The following CCBE1 variants were observed in gnomAD, a reference collection of about 807,000 sequenced individuals.
CCBE1 encodes the protein collagen and calcium-binding EGF domain-containing protein 1.
CCBE1 carries 37 observed loss-of-function variants against 50.0 expected under a neutral mutation model. The observed-to-expected ratio is 0.74, with a 90% CI of 0.57 to 0.97. CCBE1 has a LOEUF of 0.97. Among genes scored for constraint, CCBE1 ranks in the 50% least tolerant of loss-of-function variants. CCBE1 has a pLI of 0.00. For missense variants in CCBE1, 538 were observed against 523.8 expected, an observed-to-expected ratio of 1.03 and a Z score of -0.26; for synonymous variants, 234 against 203.7, an observed-to-expected ratio of 1.15 and a Z score of -1.27.
At chr18:59,521,871 G>A (rs917974490) in intron 2 of CCBE1, among the ~76,000 whole-genome samples, 1 of 152,116 alleles carries the variant, frequency 6.6e-6, no homozygotes, top group Non-Finnish European at 1.5e-5. Context: ...CTATACTTTG[G>A]TTGGGTAAGT....
At chr18:59,557,886 A>G (rs1408860023) in intron 2 of CCBE1, among the ~76,000 whole-genome samples, 1 of 152,168 alleles carries the variant, frequency 6.6e-6, no homozygotes, top group Non-Finnish European at 1.5e-5. Flanking sequence ...CTTAGTCAAG[A>G]CCCTCCGCTG....
intron 2 of CCBE1, among the ~76,000 whole-genome samples, chr18:59,583,703 GTGTGTGTATGTC>G (rs2053129386): frequency 6.7e-6 from 1 of 149,064 alleles, no homozygotes; most frequent in Non-Finnish European, 1.5e-5. Context: ...GCGCGCGCGT[GTGTGTGTATGTC>G]TGCGACTACT....
chr18:59,589,826 AT>A (rs1466018608), intron 2 of CCBE1, among the ~76,000 whole-genome samples: 21 of 141,480 alleles, frequency 1.5e-4, no homozygotes, highest in African/African-American at 4.3e-4. Flanking sequence ...GAAAAAAAAA[AT>A]GTTACACACC....
At chr18:59,451,844 C>A (rs2143662586) in intron 6 of CCBE1, among the ~76,000 whole-genome samples, 1 of 152,180 alleles carries the variant, frequency 6.6e-6, no homozygotes, top group East Asian at 1.9e-4. Context: ...TAAAGAACTC[C>A]CAAATCAATC....
chr18:59,671,589 A>G (rs17066131), intron 2 of CCBE1, among the ~76,000 whole-genome samples: 2,264 of 152,112 alleles, frequency 0.015, 46 homozygotes, highest in African/African-American at 0.052. Flanking sequence ...AAGAAAAGTG[A>G]TAGGACATAG....
At chr18:59,622,381 G>C (rs996413665) in intron 2 of CCBE1, among the ~76,000 whole-genome samples, 2 of 151,772 alleles carry the variant, frequency 1.3e-5, no homozygotes, top group Middle Eastern at 3.4e-3. Flanking sequence ...CTGTAATCTC[G>C]GGATTACAGC....
At chr18:59,596,584 A>G (rs9963372) in intron 2 of CCBE1, among the ~76,000 whole-genome samples, 2,742 of 152,312 alleles carry the variant, frequency 0.018, 65 homozygotes, top group African/African-American at 0.062. Flanking sequence ...TAACTACAGA[A>G]GCCAAATTCC....
At chr18:59,548,674 A>T (rs1261298490) in intron 2 of CCBE1, among the ~76,000 whole-genome samples, 2 of 152,190 alleles carry the variant, frequency 1.3e-5, no homozygotes, top group South Asian at 4.1e-4. Flanking sequence ...ACTTTGGGCC[A>T]GGCACAGTGG....
intron 2 of CCBE1, among the ~76,000 whole-genome samples, chr18:59,493,275 T>C (rs185060741): frequency 6.6e-6 from 1 of 152,176 alleles, no homozygotes; most frequent in Non-Finnish European, 1.5e-5. Flanking sequence ...TCAAGGACAA[T>C]GAAATACAAT....
chr18:59,527,941 T>C (rs934129603), intron 2 of CCBE1, among the ~76,000 whole-genome samples: 1 of 152,180 alleles, frequency 6.6e-6, no homozygotes, highest in African/African-American at 2.4e-5. Flanking sequence ...TTGGAGAATC[T>C]GTGATTGTGT....
At chr18:59,448,470 C>T (rs1466779590) in intron 6 of CCBE1, among the ~76,000 whole-genome samples, 2 of 152,074 alleles carry the variant, frequency 1.3e-5, no homozygotes, top group African/African-American at 2.4e-5. Context: ...ATGTGCAGGT[C>T]CTGGCTTGGT....
chr18:59,660,232 C>T (rs968128772), intron 2 of CCBE1, among the ~76,000 whole-genome samples: 4 of 152,142 alleles, frequency 2.6e-5, no homozygotes, highest in Middle Eastern at 3.2e-3. Context: ...AGCTACAGCC[C>T]TATCTGGAAA....
chr18:59,582,344 G>T (rs1018876404), intron 2 of CCBE1, among the ~76,000 whole-genome samples: 2 of 152,118 alleles, frequency 1.3e-5, no homozygotes, highest in Non-Finnish European at 2.9e-5. Context: ...TTCTTCTAGG[G>T]TCTTAGACTT....
intron 2 of CCBE1, among the ~76,000 whole-genome samples, chr18:59,513,563 G>C (rs987711692): frequency 5.9e-5 from 9 of 152,204 alleles, no homozygotes; most frequent in Non-Finnish European, 1.2e-4. Context: ...TGGCAGGACA[G>C]GTGGCCAGCT....
In CCBE1 at chr18:59,645,997, G is replaced by C. The variant is rs560155851; in HGVS notation, c.212+50632C>G. Among the ~76,000 whole-genome samples, 12 of 151,934 alleles carry C rather than the reference G, an allele frequency of 7.9e-5. No homozygotes were observed. The South Asian group carries it at 1.0e-3, about 13-fold the overall frequency. On this transcript the variant is annotated intron_variant, in intron 2 of 10. Transcript: ENST00000439986. ...AGTGAGCCGAGATTGCGCCACTGCA[G>C]TCCAGCCTCCTGGGTGACAGAGCAA...
chr18:59,626,917 T>A (rs979647388), intron 2 of CCBE1, among the ~76,000 whole-genome samples: 2 of 152,246 alleles, frequency 1.3e-5, no homozygotes, highest in Admixed American at 1.3e-4. Flanking sequence ...ACTTGTGCTC[T>A]TAGTCACCAT....
chr18:59,666,990 G>T (rs959363129), intron 2 of CCBE1, among the ~76,000 whole-genome samples: 1 of 152,094 alleles, frequency 6.6e-6, no homozygotes. Flanking sequence ...AAAGTTACAA[G>T]AGGCCAGGCT....
At chr18:59,646,008 T>TG (rs2054050961) in intron 2 of CCBE1, among the ~76,000 whole-genome samples, 1 of 150,930 alleles carries the variant, frequency 6.6e-6, no homozygotes, top group Admixed American at 6.6e-5. Flanking sequence ...TCCAGCCTCC[T>TG]GGGTGACAGA....
At chr18:59,619,188 C>T (rs921073145) in intron 2 of CCBE1, among the ~76,000 whole-genome samples, 3 of 152,172 alleles carry the variant, frequency 2.0e-5, no homozygotes, top group Non-Finnish European at 2.9e-5. Flanking sequence ...TACTTGAATG[C>T]TAAAATAAAA....
Sources: allele counts gnomAD v4.1 joint callset (sites outside exome capture counted in the v4.1 genomes callset), GRCh38; gene constraint gnomAD v4.1.1; transcripts MANE v1.5; gene names NCBI Gene and HGNC (gene_info 2026-07-23, HGNC 2026-07-21).